The following NRG1 variants were observed in gnomAD, a reference collection of about 807,000 sequenced individuals.
NRG1 encodes the protein pro-neuregulin-1, membrane-bound isoform.
Under a neutral mutation model 63.8 loss-of-function variants are expected in NRG1, and 18 were observed. The observed-to-expected ratio is 0.28, with a 90% CI of 0.19 to 0.42. The LOEUF (loss-of-function observed/expected upper bound fraction) is 0.42. Ranked by LOEUF, NRG1 falls within the 10% of genes least tolerant of loss-of-function variation. The pLI, the probability that NRG1 is intolerant of heterozygous loss-of-function variation, is 1.00. For synonymous variants in NRG1, 302 were observed against 301.3 expected, an observed-to-expected ratio of 1.00 and a Z score of -0.02; for missense variants, 762 against 814.7, an observed-to-expected ratio of 0.94 and a Z score of 0.79.
intron 1 of NRG1, among the ~76,000 whole-genome samples, chr8:31,722,917 T>C (rs1471383231): frequency 2.0e-5 from 3 of 152,162 alleles, no homozygotes; most frequent in Non-Finnish European, 4.4e-5. Context: ...AAATGTAAAC[T>C]ATTTTGGTGA....
chr8:32,560,210 C>CT (rs147928361), intron 1 of NRG1, among the ~76,000 whole-genome samples: 153 of 147,352 alleles, frequency 1.0e-3, no homozygotes, highest in Non-Finnish European at 1.2e-3. Context: ...ATTCTTTTTG[C>CT]TTTTTTTTTT....
At chr8:32,224,380 G>A (rs946726687) in intron 1 of NRG1, among the ~76,000 whole-genome samples, 3 of 152,122 alleles carry the variant, frequency 2.0e-5, no homozygotes, top group African/African-American at 7.2e-5. Context: ...CTCTTAGACT[G>A]AATGCCTAGG....
At chr8:32,764,511 A>G in exon 12 of NRG1, 1 of 1,051,958 alleles carries the variant, frequency 9.5e-7, no homozygotes, top group Non-Finnish European at 1.3e-6. Flanking sequence ...CAAATAGAAA[A>G]CAGGAAAAAA....
intron 1 of NRG1, among the ~76,000 whole-genome samples, chr8:32,182,000 G>A (rs997844166): frequency 1.3e-5 from 2 of 152,186 alleles, no homozygotes; most frequent in Non-Finnish European, 2.9e-5. Flanking sequence ...TCAGTAAGTA[G>A]CATGAATTAA....
At chr8:31,814,329 C>T (rs1823224457) in intron 1 of NRG1, among the ~76,000 whole-genome samples, 1 of 152,168 alleles carries the variant, frequency 6.6e-6, no homozygotes, top group South Asian at 2.1e-4. Context: ...GTTCTCCAGC[C>T]CCGGTTCCTT....
intron 4 of NRG1, 89 bp downstream of exon 4, chr8:32,614,653 C>A: frequency 1.7e-6 from 2 of 1,173,040 alleles, no homozygotes; most frequent in South Asian, 1.3e-5. Context: ...ACCCCTTCTG[C>A]ATCCAGACCT....
intron 1 of NRG1, among the ~76,000 whole-genome samples, chr8:32,526,622 C>T (rs1364654834): frequency 6.6e-6 from 1 of 152,154 alleles, no homozygotes; most frequent in African/African-American, 2.4e-5. Context: ...AGTCCCCTCT[C>T]TCTCACTTCC....
chr8:32,737,771 G>GA lies in NRG1; in HGVS notation c.633-4904_633-4903insA, dbSNP rs1237291201. Among the ~76,000 whole-genome samples the GA allele has an allele frequency of 2.3e-4, 35 of 150,810 alleles. No individual in the cohort carries two copies. In the South Asian group the frequency reaches 7.2e-3, roughly 31 times the overall value. On this transcript the variant is annotated intron_variant, in intron 6 of 11. Coordinates refer to ENST00000356819, the Ensembl canonical transcript of NRG1. The stretch of plus-strand genomic sequence containing the variant: ...TGCTCACTACAACCTCCGCCTTCTG[G>GA]GTTCAAGCGATTCTCCTGCCTCAGC...
At chr8:32,307,589 TTG>T (rs371611530) in intron 1 of NRG1, among the ~76,000 whole-genome samples, 6,212 of 93,416 alleles carry the variant, frequency 0.066, 151 homozygotes, top group East Asian at 0.086. Context: ...ACCCAGGGGT[TTG>T]TGTGTGTGTG....
intron 1 of NRG1, among the ~76,000 whole-genome samples, chr8:32,016,481 C>G (rs1411355651): frequency 6.6e-6 from 1 of 152,006 alleles, no homozygotes; most frequent in Non-Finnish European, 1.5e-5. Context: ...AATTATCAAG[C>G]TGTTTTGACC....
intron 1 of NRG1, among the ~76,000 whole-genome samples, chr8:32,455,493 C>T (rs1821489143): frequency 6.6e-6 from 1 of 152,164 alleles, no homozygotes; most frequent in Non-Finnish European, 1.5e-5. Flanking sequence ...CCCAATTTGA[C>T]CCATTACTGC....
intron 1 of NRG1, among the ~76,000 whole-genome samples, chr8:31,882,812 G>C (rs1018501962): frequency 2.0e-5 from 3 of 152,122 alleles, no homozygotes; most frequent in Non-Finnish European, 2.9e-5. Flanking sequence ...CTGTGGATGT[G>C]ACTGGATTGT....
At chr8:32,682,361 C>T (rs1808898186) in intron 5 of NRG1, among the ~76,000 whole-genome samples, 1 of 152,104 alleles carries the variant, frequency 6.6e-6, no homozygotes, top group African/African-American at 2.4e-5. Flanking sequence ...AATCATCTGT[C>T]TTCCCATGAT....
chr8:31,825,279 T>A (rs186872922), intron 1 of NRG1, among the ~76,000 whole-genome samples: 170 of 151,838 alleles, frequency 1.1e-3, no homozygotes, highest in African/African-American at 3.9e-3. Flanking sequence ...TCCCAGCTAC[T>A]CGGGAGGCTG....
intron 1 of NRG1, among the ~76,000 whole-genome samples, chr8:32,156,672 A>C (rs532774438): frequency 5.9e-5 from 9 of 152,268 alleles, no homozygotes; most frequent in African/African-American, 2.2e-4. Context: ...TAAAGCTGGC[A>C]AGCACTGATG....
At chr8:32,048,103 G>A (rs1269846840) in intron 1 of NRG1, among the ~76,000 whole-genome samples, 1 of 151,750 alleles carries the variant, frequency 6.6e-6, no homozygotes, top group African/African-American at 2.4e-5. Flanking sequence ...CAGTTGAATA[G>A]TATTTTATTT....
At chr8:32,199,262 A>T (rs1423872459) in intron 1 of NRG1, among the ~76,000 whole-genome samples, 2 of 151,882 alleles carry the variant, frequency 1.3e-5, no homozygotes, top group Non-Finnish European at 2.9e-5. Context: ...TTCCAGCTAG[A>T]TACTTTCTGC....
chr8:31,835,774 A>G (rs1469267481), intron 1 of NRG1, among the ~76,000 whole-genome samples: 1 of 152,172 alleles, frequency 6.6e-6, no homozygotes, highest in Non-Finnish European at 1.5e-5. Context: ...TTGTTGTATG[A>G]AATAATGTTA....
At chr8:32,393,493 T>A (rs2129484113) in intron 1 of NRG1, among the ~76,000 whole-genome samples, 1 of 152,220 alleles carries the variant, frequency 6.6e-6, no homozygotes, top group Admixed American at 6.5e-5. Context: ...TAAATGCCCA[T>A]CAACAGTAAA....
Sources: gnomAD v4.1 joint callset for allele counts (sites outside exome capture counted in the v4.1 genomes callset) on GRCh38, gnomAD v4.1.1 for gene constraint, MANE v1.5 for transcripts, NCBI Gene and HGNC (gene_info 2026-07-23, HGNC 2026-07-21) for gene names.